The following MYRIP variants were observed in gnomAD, a reference collection of about 807,000 sequenced individuals.
The protein encoded by MYRIP is rab effector MyRIP.
In MYRIP, 49 loss-of-function variants were observed where a neutral mutation model predicts 98.0. The observed-to-expected ratio is 0.50, with a 90% CI of 0.40 to 0.63. The LOEUF (loss-of-function observed/expected upper bound fraction) is 0.63. Ranked by LOEUF, MYRIP falls within the 30% of genes least tolerant of loss-of-function variation. MYRIP has a pLI of 0.00. For missense variants in MYRIP, 1,004 were observed against 1,058.2 expected (o/e 0.95, Z 0.71); for synonymous variants, 404 against 409.5 (o/e 0.99, Z 0.16).
intron 8 of MYRIP, among the ~76,000 whole-genome samples, 163 bp from the exon 9 acceptor site, chr3:40,182,057 C>T (rs576443991): frequency 4.6e-4 from 70 of 152,314 alleles, no homozygotes; most frequent in Non-Finnish European, 7.9e-4. Context: ...ATTTACCTGG[C>T]CTTATATACT....
intron 8 of MYRIP, among the ~76,000 whole-genome samples, chr3:40,174,960 G>A (rs1488459540): frequency 6.6e-6 from 1 of 151,996 alleles, no homozygotes; most frequent in African/African-American, 2.4e-5. Flanking sequence ...TGGCTAACAT[G>A]GTGAAACCCC....
intron 3 of MYRIP, among the ~76,000 whole-genome samples, chr3:40,079,032 G>A (rs1212112759): frequency 2.6e-5 from 4 of 152,316 alleles, no homozygotes. Context: ...TAACGTGATG[G>A]ATGTTAGAAG....
At chr3:39,874,538 T>G (rs1299563499) in intron 1 of MYRIP, among the ~76,000 whole-genome samples, 3 of 152,076 alleles carry the variant, frequency 2.0e-5, no homozygotes, top group African/African-American at 7.2e-5. Context: ...TTATTGAGAG[T>G]TTTTAGTATG....
intron 1 of MYRIP, among the ~76,000 whole-genome samples, chr3:39,866,270 C>T (rs577106621): frequency 2.0e-5 from 3 of 152,092 alleles, no homozygotes; most frequent in Admixed American, 6.5e-5. Context: ...AATCTATACA[C>T]CAAACGCCCA....
chr3:39,818,390 T>C (rs1417413330), intron 1 of MYRIP, among the ~76,000 whole-genome samples: 2 of 152,206 alleles, frequency 1.3e-5, no homozygotes, highest in Non-Finnish European at 2.9e-5. Context: ...TATTTCACCT[T>C]TCTCAACTGG....
intron 12 of MYRIP, among the ~76,000 whole-genome samples, chr3:40,238,985 C>A (rs1037199675): frequency 6.6e-6 from 1 of 151,498 alleles, no homozygotes; most frequent in Non-Finnish European, 1.5e-5. Flanking sequence ...TATACATGTG[C>A]CATGCTGGTG....
At chr3:39,981,071 T>G (rs1310051461) in intron 2 of MYRIP, among the ~76,000 whole-genome samples, 2 of 152,222 alleles carry the variant, frequency 1.3e-5, no homozygotes, top group Non-Finnish European at 2.9e-5. Flanking sequence ...TTACCACGAT[T>G]AAAATAACAT....
At chr3:40,135,972 G>C (rs988780565) in intron 3 of MYRIP, among the ~76,000 whole-genome samples, 4 of 152,124 alleles carry the variant, frequency 2.6e-5, no homozygotes, top group African/African-American at 4.8e-5. Context: ...GAAACTGCAT[G>C]AACTAACGAG....
intron 3 of MYRIP, among the ~76,000 whole-genome samples, chr3:40,148,262 T>G (rs558867353): frequency 6.6e-6 from 1 of 152,348 alleles, no homozygotes; most frequent in East Asian, 1.9e-4. Flanking sequence ...GTTTGTCTGC[T>G]TTATTTTGTT....
chr3:39,990,954 A>G (rs1946159206), intron 2 of MYRIP, among the ~76,000 whole-genome samples: 1 of 152,148 alleles, frequency 6.6e-6, no homozygotes, highest in Admixed American at 6.5e-5. Flanking sequence ...TGAACGAAGA[A>G]CACATGGACA....
At chr3:39,820,862 C>G in intron 1 of MYRIP, among the ~76,000 whole-genome samples, 1 of 152,062 alleles carries the variant, frequency 6.6e-6, no homozygotes, top group Non-Finnish European at 1.5e-5. Context: ...CCTTCATGCT[C>G]CCAGGTCTGA....
chr3:39,832,965 G>A (rs944302089), intron 1 of MYRIP, among the ~76,000 whole-genome samples: 1 of 152,180 alleles, frequency 6.6e-6, no homozygotes, highest in Admixed American at 6.5e-5. Flanking sequence ...CTGTGAAATA[G>A]CACCAAATTG....
chr3:39,921,772 C>T (rs1944309309), intron 2 of MYRIP, among the ~76,000 whole-genome samples: 2 of 151,012 alleles, frequency 1.3e-5, no homozygotes, highest in East Asian at 2.0e-4. Flanking sequence ...TCCCAGCCTA[C>T]TCAGGAGGCT....
intron 12 of MYRIP, among the ~76,000 whole-genome samples, chr3:40,234,992 CA>C (rs34515561): frequency 0.029 from 3,281 of 111,516 alleles, 21 homozygotes; most frequent in East Asian, 0.053. Context: ...GACCCTGTCT[CA>C]AAAAAAAAAA....
At chr3:39,892,030 C>T (rs1003884225) in intron 1 of MYRIP, among the ~76,000 whole-genome samples, 11 of 151,604 alleles carry the variant, frequency 7.3e-5, no homozygotes, top group South Asian at 2.1e-4. Context: ...ATGGATTTTC[C>T]GTCTTCCTCT....
At chr3:40,096,257 A>G (rs1041255861) in intron 3 of MYRIP, among the ~76,000 whole-genome samples, 9 of 152,076 alleles carry the variant, frequency 5.9e-5, no homozygotes, top group Admixed American at 6.5e-5. Context: ...CTGTAGTCAA[A>G]AAAGGGGTGA....
intron 2 of MYRIP, among the ~76,000 whole-genome samples, chr3:39,956,264 C>A (rs1020228517): frequency 3.9e-5 from 6 of 152,128 alleles, no homozygotes; most frequent in Non-Finnish European, 1.5e-5. Context: ...CCAAAATCGA[C>A]CACATAGTTG....
chr3:40,079,013 G>A (rs1948416289), intron 3 of MYRIP, among the ~76,000 whole-genome samples: 1 of 152,196 alleles, frequency 6.6e-6, no homozygotes, highest in Non-Finnish European at 1.5e-5. Flanking sequence ...TCCTGGAGGT[G>A]AGGCCAAGTA....
intron 3 of MYRIP, among the ~76,000 whole-genome samples, chr3:40,066,953 C>T (rs964073545): frequency 1.3e-5 from 2 of 152,140 alleles, no homozygotes; most frequent in East Asian, 1.9e-4. Flanking sequence ...ATGTAGAAGG[C>T]AACTTTTATG....
Sources: allele counts gnomAD v4.1 joint callset (sites outside exome capture counted in the v4.1 genomes callset), GRCh38; gene constraint gnomAD v4.1.1; transcripts MANE v1.5; gene names NCBI Gene and HGNC (gene_info 2026-07-23, HGNC 2026-07-21).